The following PCDHGA1 variants were observed in gnomAD, a reference collection of about 807,000 sequenced individuals.
PCDHGA1 encodes the protein protocadherin gamma-A1.
In PCDHGA1, 32 loss-of-function variants were observed where a neutral mutation model predicts 58.0. The ratio of observed to expected loss-of-function variants is 0.55; its 90% CI spans 0.42 to 0.74. The LOEUF (loss-of-function observed/expected upper bound fraction) is 0.74, where lower values mean the gene tolerates loss of function less well. Among genes scored for constraint, PCDHGA1 ranks in the 30% least tolerant of loss-of-function variants. PCDHGA1 has a pLI of 0.00. For synonymous variants in PCDHGA1, 498 were observed against 501.1 expected, an observed-to-expected ratio of 0.99 and a Z score of 0.08; for missense variants, 1,205 against 1,182.3, an observed-to-expected ratio of 1.02 and a Z score of -0.28.
intron 1 of PCDHGA1, chr5:141,360,747 G>T: frequency 6.2e-7 from 1 of 1,613,922 alleles, no homozygotes; most frequent in South Asian, 1.1e-5. Flanking sequence ...ACAGAGAAGA[G>T]CACAGTTTAC....
At chr5:141,384,270 C>T in intron 1 of PCDHGA1, 1 of 1,613,890 alleles carries the variant, frequency 6.2e-7, no homozygotes, top group Non-Finnish European at 8.5e-7. Flanking sequence ...ACTCATCCTA[C>T]TCAGTCTACA....
intron 1 of PCDHGA1, chr5:141,345,549 TC>T (rs771671580): frequency 1.9e-6 from 3 of 1,614,012 alleles, no homozygotes; most frequent in Non-Finnish European, 1.7e-6. Context: ...CTCCTTCGTC[TC>T]TATCAACTCC....
chr5:141,431,354 G>C lies in PCDHGA1; in HGVS notation c.2422-63453G>C. 6.2e-7 allele frequency: 1 copy of C among 1,614,036 alleles called. No individual in the cohort carries two copies. Among genetic ancestry groups the C allele is most frequent in the Non-Finnish European group, 8.5e-7 (1 of 1,180,038 alleles). ...GTACCCCGAATTGGTGCTGAAACGC[G>C]CCCTGGACCGCGAAGAAAAGGCTGC... On this transcript the variant is annotated intron_variant, in intron 1 of 3. Transcript: ENST00000517417. This position sits in a 1 kb window ranked among gnomAD's most constrained non-coding sequence, Gnocchi z 4.8.
chr5:141,433,328 G>C, intron 1 of PCDHGA1: 1 of 724,580 alleles, frequency 1.4e-6, no homozygotes, highest in Non-Finnish European at 2.3e-6. Context: ...GGTGTAACAG[G>C]GACTACAGGT....
chr5:141,501,228 A>G (rs1054674676), intron 2 of PCDHGA1, among the ~76,000 whole-genome samples: 10 of 149,588 alleles, frequency 6.7e-5, no homozygotes, highest in African/African-American at 2.5e-4. Context: ...TAGATTTCTC[A>G]GTTTTTTGAG....
intron 1 of PCDHGA1, chr5:141,417,232 G>A (rs997894028): frequency 6.6e-6 from 1 of 152,072 alleles, no homozygotes; most frequent in Admixed American, 6.6e-5. Context: ...AAAATTTGTT[G>A]CTTATCTTCA....
intron 1 of PCDHGA1, chr5:141,338,826 A>G (rs967681412): frequency 1.2e-5 from 17 of 1,391,196 alleles, no homozygotes; most frequent in Middle Eastern, 5.3e-4. Context: ...CAGGACACCA[A>G]AGAAATTCAG....
intron 1 of PCDHGA1, chr5:141,428,239 G>T (rs1183885220): frequency 3.0e-6 from 3 of 997,526 alleles, no homozygotes; most frequent in Non-Finnish European, 4.6e-6. Flanking sequence ...CCTGCAGGAG[G>T]CACTGCCAGA....
chr5:141,421,991 A>T, intron 1 of PCDHGA1: 1 of 1,608,656 alleles, frequency 6.2e-7, no homozygotes, highest in Non-Finnish European at 8.5e-7. Context: ...GTTCCAGAAA[A>T]CATCAGCTCC....
intron 1 of PCDHGA1, chr5:141,409,321 T>G (rs899218484): frequency 1.9e-6 from 3 of 1,613,996 alleles, no homozygotes; most frequent in Admixed American, 1.7e-5. Context: ...AAACACGGGA[T>G]CTGGATTTCG....
At chr5:141,355,190 G>A in intron 1 of PCDHGA1, 4 of 1,591,790 alleles carry the variant, frequency 2.5e-6, no homozygotes, top group East Asian at 2.2e-5. Context: ...CGACTCCGCG[G>A]CGGGGTTGTA....
intron 1 of PCDHGA1, among the ~76,000 whole-genome samples, chr5:141,386,507 C>G (rs972515111): frequency 2.0e-5 from 1 of 50,524 alleles, no homozygotes. Context: ...AAGACTCTGT[C>G]TCTTCAAAAA....
Position 141,489,560 on chromosome 5 carries a change from A to C in PCDHGA1, c.2422-5247A>C, listed in dbSNP as rs749076412. On this transcript the variant is annotated intron_variant, in intron 1 of 3. Coordinates refer to ENST00000517417, the MANE Select transcript of PCDHGA1 (RefSeq NM_018912.3). This position sits in a 1 kb window ranked among gnomAD's most constrained non-coding sequence, Gnocchi z 4.5. Reference sequence around the variant, plus strand: ...AGCACCAGCTGCCTGCTGCCAGTGCAGGTGGTGACTGAACACCCCCTGGAG... The same window carrying C: ...AGCACCAGCTGCCTGCTGCCAGTGCCGGTGGTGACTGAACACCCCCTGGAG... 2 of 1,614,142 alleles carry C rather than the reference A, an allele frequency of 1.2e-6. No individual in the cohort carries two copies. Among genetic ancestry groups the C allele is most frequent in the Admixed American group, 3.3e-5 (2 of 60,024 alleles).
At chr5:141,478,920 C>A (rs559060283) in intron 1 of PCDHGA1, 1 of 728,392 alleles carries the variant, frequency 1.4e-6, no homozygotes. Context: ...ATACCTCTAA[C>A]CAGTGGCAGC....
In PCDHGA1 at chr5:141,489,493, G is replaced by C. The variant is rs1485293604; in HGVS notation, c.2422-5314G>C. 3 of 1,614,078 alleles carry C rather than the reference G, an allele frequency of 1.9e-6. No homozygotes were observed. The South Asian group carries it at 3.3e-5, about 18-fold the overall frequency. On this transcript the variant is annotated intron_variant, in intron 1 of 3. Coordinates refer to ENST00000517417, the MANE Select transcript of PCDHGA1 (RefSeq NM_018912.3). This position sits in a 1 kb window ranked among gnomAD's most constrained non-coding sequence, Gnocchi z 4.5. Reference sequence around the variant, plus strand: ...CCTGAGCTTGATGAGTGGTGCCCTGGCAGTGAATCAAAAGATTGACCGAGA... The same window carrying C: ...CCTGAGCTTGATGAGTGGTGCCCTGCCAGTGAATCAAAAGATTGACCGAGA...
intron 2 of PCDHGA1, among the ~76,000 whole-genome samples, chr5:141,502,576 T>C (rs1226513508): frequency 6.6e-6 from 1 of 152,168 alleles, no homozygotes; most frequent in African/African-American, 2.4e-5. Flanking sequence ...ATTATAAAAA[T>C]ATATTTTTAT....
At chr5:141,387,570 A>T (rs1490079513) in intron 1 of PCDHGA1, 4 of 455,052 alleles carry the variant, frequency 8.8e-6, no homozygotes, top group Non-Finnish European at 1.2e-5. Flanking sequence ...CACAATTATA[A>T]TTATTGCACT....
intron 3 of PCDHGA1, 79 bp downstream of exon 3, chr5:141,505,560 G>A: frequency 6.2e-7 from 1 of 1,604,768 alleles, no homozygotes; most frequent in South Asian, 1.1e-5. Context: ...CATGCCCACG[G>A]ACTGGATGTC....
rs1200956041 is a variant in PCDHGA1 at position 141,339,527 on chromosome 5, G to A, written c.2421+6422G>A. On this transcript the variant is annotated intron_variant, in intron 1 of 3. Transcript: ENST00000517417. ...CTTCTCCCTGGACGTGCGAAGGGGA[G>A]CTGATGGGAACAAGTACCCAGAACT... 1.9e-6 allele frequency: 3 copies of A among 1,614,042 alleles called. No individual in the cohort carries two copies. The African/African-American group carries it at 4.0e-5, about 22-fold the overall frequency.
Sources: allele counts gnomAD v4.1 joint callset (sites outside exome capture counted in the v4.1 genomes callset), GRCh38; gene constraint gnomAD v4.1.1; non-coding constraint Gnocchi (gnomAD v3.1); transcripts MANE v1.5; gene names NCBI Gene and HGNC (gene_info 2026-07-23, HGNC 2026-07-21).